Variants in NTF3 observed in about 807,000 individuals in gnomAD.
NTF3 encodes neurotrophin-3.
In NTF3, 8 loss-of-function variants were observed where a neutral mutation model predicts 26.3. The observed-to-expected ratio is 0.30, with a 90% CI of 0.18 to 0.55. The LOEUF (loss-of-function observed/expected upper bound fraction) is 0.55. NTF3 is among the 20% of genes least tolerant of loss of function. The probability of loss-of-function intolerance (pLI) is 0.93; values close to 1 mark genes in which losing one functional copy is unlikely to be tolerated. For synonymous variants in NTF3, 154 were observed against 145.5 expected, an observed-to-expected ratio of 1.06 and a Z score of -0.42; for missense variants, 276 against 352.9, an observed-to-expected ratio of 0.78 and a Z score of 1.75.
At chr12:5,479,752 A>G (rs1940764690) in intron 1 of NTF3, among the ~76,000 whole-genome samples, 3 of 152,318 alleles carry the variant, frequency 2.0e-5, no homozygotes, top group South Asian at 4.2e-4. Context: ...TCCTTGGCAC[A>G]TAGTAGGTGC....
rs1452966029 is a variant in NTF3 at position 5,494,290 on chromosome 12, T to C, written c.115T>C (p.Leu39=). ...IQGNNMDQRS[L]PEDSLNSLII... Reference sequence around the variant, plus strand: ...AGGTAACAACATGGATCAAAGGAGTTTGCCAGAAGACTCGCTCAATTCCCT... The same window carrying C: ...AGGTAACAACATGGATCAAAGGAGTCTGCCAGAAGACTCGCTCAATTCCCT... The change falls in exon 2 of 2, where the codon TTG becomes CTG. Residue 39 remains leucine (L), a synonymous_variant. Transcript: ENST00000423158. This position sits in a 1 kb window ranked among gnomAD's most constrained non-coding sequence, Gnocchi z 8.3. 1.2e-6 allele frequency: 2 copies of C among 1,614,124 alleles called. No homozygotes were observed. The highest frequency in any genetic ancestry group is 1.3e-5 in the African/African-American group (1 of 75,024).
chr12:5,468,511 C>T (rs900653331), intron 1 of NTF3, among the ~76,000 whole-genome samples: 16 of 152,140 alleles, frequency 1.1e-4, no homozygotes, highest in African/African-American at 3.9e-4. Context: ...GGCGTTTTCT[C>T]TTCAGTCTTC....
chr12:5,440,365 G>T (rs1940221820), intron 1 of NTF3, among the ~76,000 whole-genome samples: 1 of 152,094 alleles, frequency 6.6e-6, no homozygotes, highest in African/African-American at 2.4e-5. Context: ...CCAGGTTCTT[G>T]CAATTTACTT....
At chr12:5,481,694 C>A (rs944408897) in intron 1 of NTF3, among the ~76,000 whole-genome samples, 2 of 131,316 alleles carry the variant, frequency 1.5e-5, no homozygotes, top group African/African-American at 2.9e-5. Flanking sequence ...ATACACCACA[C>A]AAGCAGAATA....
Position 5,494,527 on chromosome 12 carries a change from C to G in NTF3, c.352C>G (p.Leu118Val). The part of the protein sequence containing the change: ...QQRRYNSPRV[L>V]LSDSTPLEPP... The stretch of plus-strand genomic sequence containing the variant: ...GAGACGCTACAACTCACCGCGGGTC[C>G]TGCTGAGCGACAGCACCCCCTTGGA... The change falls in exon 2 of 2, where the codon CTG (leucine) becomes GTG (valine). Residue 118 changes from leucine (L) to valine (V), a missense_variant. Coordinates refer to ENST00000423158, the MANE Select transcript of NTF3 (RefSeq NM_001102654.2). The surrounding 1 kb of genome is among the most constrained non-coding windows in gnomAD (Gnocchi z 8.3). 1 of 1,614,116 alleles carries G rather than the reference C, an allele frequency of 6.2e-7. No individual in the cohort carries two copies. Among genetic ancestry groups the G allele is most frequent in the Non-Finnish European group, 8.5e-7 (1 of 1,180,044 alleles).
At chr12:5,486,901 G>GTA (rs1274978955) in intron 1 of NTF3, among the ~76,000 whole-genome samples, 1 of 152,030 alleles carries the variant, frequency 6.6e-6, no homozygotes, top group Non-Finnish European at 1.5e-5. Context: ...GTGTGTGTGT[G>GTA]TGTGTGTGTG....
intron 1 of NTF3, among the ~76,000 whole-genome samples, chr12:5,467,412 C>T (rs548554627): frequency 2.6e-5 from 4 of 152,182 alleles, no homozygotes; most frequent in Non-Finnish European, 5.9e-5. Context: ...AAGTGATTCC[C>T]CAGATGTGGA....
chr12:5,494,747 A>C lies in NTF3; in HGVS notation c.572A>C (p.Glu191Ala). ...IRGHQVTVLG[E>A]IKTGNSPVKQ... ...GGACACCAGGTCACGGTGCTGGGGG[A>C]GATCAAAACGGGCAACTCTCCCGTC... The change falls in exon 2 of 2, where the codon GAG (glutamate) becomes GCG (alanine). Residue 191 changes from glutamate to alanine, a missense_variant. By Grantham distance (107) the Glu-to-Ala change is moderately radical. Transcript: ENST00000423158. The surrounding 1 kb of genome is among the most constrained non-coding windows in gnomAD (Gnocchi z 8.3). The C allele has an allele frequency of 6.2e-7, 1 of 1,614,088 alleles. No individual in the cohort carries two copies. The highest frequency in any genetic ancestry group is 8.5e-7 in the Non-Finnish European group (1 of 1,180,034).
chr12:5,435,420 C>T (rs1940154730), intron 1 of NTF3, among the ~76,000 whole-genome samples: 1 of 152,086 alleles, frequency 6.6e-6, no homozygotes, highest in Admixed American at 6.5e-5. Context: ...TCTTCAAGGT[C>T]TATAATTCAG....
chr12:5,468,881 G>T (rs1246601603), intron 1 of NTF3, among the ~76,000 whole-genome samples: 1 of 152,166 alleles, frequency 6.6e-6, no homozygotes, highest in Non-Finnish European at 1.5e-5. Context: ...AGCACCTTGG[G>T]AGCCCGAGGC....
Position 5,465,627 on chromosome 12 carries a change from A to T in NTF3, c.19-28567A>T, listed in dbSNP as rs1940580204. 4.6e-5 allele frequency among the ~76,000 whole-genome samples: 7 copies of T among 152,332 alleles called. No individual in the cohort carries two copies. The South Asian group carries it at 1.5e-3, about 32-fold the overall frequency. ...TGTAGCCTGATTTTACATTCGGCAA[A>T]CCTGAGGCTTACAGAAATCATGTGG... On this transcript the variant is annotated intron_variant, in intron 1 of 1. Coordinates refer to ENST00000423158, the MANE Select transcript of NTF3 (RefSeq NM_001102654.2).
At chr12:5,483,370 C>T (rs142155284) in intron 1 of NTF3, among the ~76,000 whole-genome samples, 207 of 152,310 alleles carry the variant, frequency 1.4e-3, no homozygotes, top group African/African-American at 4.8e-3. Context: ...AGGGCACTCC[C>T]GTGTTCTTCA....
chr12:5,432,426 CG>C, intron 1 of NTF3, 84 bp downstream of exon 1: 15 of 1,490,892 alleles, frequency 1.0e-5, no homozygotes, highest in Non-Finnish European at 1.3e-5. Context: ...TGGACTGGTG[CG>C]GGGGGCCCCA....
chr12:5,432,247 G>T lies in NTF3; in HGVS notation c.-78G>T. Reference sequence around the variant, plus strand: ...GCTGGGTAGTGGCTGCGGCGGGGTGGGGGAGACTTTGAATGACCGAGCTCG... The same window carrying T: ...GCTGGGTAGTGGCTGCGGCGGGGTGTGGGAGACTTTGAATGACCGAGCTCG... On this transcript the variant is annotated 5_prime_UTR_variant, in exon 1 of 2. Transcript: ENST00000423158. 6.7e-7 allele frequency: 1 copy of T among 1,503,370 alleles called. No individual in the cohort carries two copies. The highest frequency in any genetic ancestry group is 9.2e-7 in the Non-Finnish European group (1 of 1,081,932). The allele number at this position is 1,503,370 out of a possible 1,614,324, so 93.1% of individuals were successfully genotyped here.
chr12:5,490,434 A>C (rs968913610), intron 1 of NTF3, among the ~76,000 whole-genome samples: 1 of 152,238 alleles, frequency 6.6e-6, no homozygotes, highest in African/African-American at 2.4e-5. Context: ...GCTTAAATGA[A>C]GCTCTCTGCA....
chr12:5,466,292 T>C (rs955684379), intron 1 of NTF3, among the ~76,000 whole-genome samples: 1 of 152,220 alleles, frequency 6.6e-6, no homozygotes, highest in Non-Finnish European at 1.5e-5. Context: ...TACAGTGAGA[T>C]GCACTGTGGC....
chr12:5,475,385 T>C (rs908103056), intron 1 of NTF3, among the ~76,000 whole-genome samples: 14 of 152,090 alleles, frequency 9.2e-5, no homozygotes, highest in African/African-American at 3.1e-4. Context: ...GTGGGGATGA[T>C]GGACATAGGG....
chr12:5,438,067 A>C (rs113503805), intron 1 of NTF3, among the ~76,000 whole-genome samples: 3,076 of 152,044 alleles, frequency 0.02, 43 homozygotes, highest in Non-Finnish European at 0.03. Flanking sequence ...GATCATTTTT[A>C]TATGGGCATG....
Position 5,456,488 on chromosome 12 carries a change from G to A in NTF3, c.18+24146G>A, listed in dbSNP as rs181407368. ...ATCCATCCCCACTTGTGGGGCCAACGGCACCTAACCACCTCAGGCACGGTG... is the reference window on the plus strand; with the variant it reads ...ATCCATCCCCACTTGTGGGGCCAACAGCACCTAACCACCTCAGGCACGGTG... On this transcript the variant is annotated intron_variant, in intron 1 of 1. Coordinates refer to ENST00000423158, the MANE Select transcript of NTF3 (RefSeq NM_001102654.2). This position sits in a 1 kb window ranked among gnomAD's most constrained non-coding sequence, Gnocchi z 4.4. 1.9e-3 allele frequency among the ~76,000 whole-genome samples: 284 copies of A among 152,176 alleles called. 4 individuals carry two copies. The highest frequency in any genetic ancestry group is 6.6e-3 in the African/African-American group (275 of 41,508).
Sources: gnomAD v4.1 joint callset for allele counts (sites outside exome capture counted in the v4.1 genomes callset) on GRCh38, gnomAD v4.1.1 for gene constraint, Gnocchi (gnomAD v3.1) non-coding constraint, MANE v1.5 for transcripts, NCBI Gene and HGNC (gene_info 2026-07-23, HGNC 2026-07-21) for gene names.